The following CMTM4 variants were observed in gnomAD, a reference collection of about 807,000 sequenced individuals.
The protein encoded by CMTM4 is CKLF like MARVEL transmembrane domain containing 4, also known as CKLF-like MARVEL transmembrane domain-containing protein 4.
Under a neutral mutation model 19.0 loss-of-function variants are expected in CMTM4, and 8 were observed. The observed-to-expected ratio is 0.42, with a 90% CI of 0.25 to 0.76. The LOEUF is 0.76. CMTM4 is among the 30% of genes least tolerant of loss of function. The pLI is 0.27. For synonymous variants in CMTM4, 106 were observed against 121.1 expected (o/e 0.88, Z 0.82); for missense variants, 228 against 290.2 (o/e 0.79, Z 1.56).
intron 2 of CMTM4, among the ~76,000 whole-genome samples, chr16:66,630,401 C>T (rs1374911344): frequency 1.3e-5 from 2 of 149,312 alleles, no homozygotes; most frequent in African/African-American, 4.9e-5. Flanking sequence ...CGAAGCTGGA[C>T]TGTACTGCTG....
At chr16:66,604,931 C>A in the CMTM4 span, 1 of 1,499,822 alleles carries the variant, frequency 6.7e-7, no homozygotes, top group Non-Finnish European at 8.8e-7. Flanking sequence ...CTCTCAAAGG[C>A]CGCCTCCTGC....
intron 1 of CMTM4, among the ~76,000 whole-genome samples, chr16:66,646,355 TTCATAC>T (rs1365239370): frequency 6.6e-6 from 1 of 152,196 alleles, no homozygotes; most frequent in Admixed American, 6.5e-5. Context: ...AATATACATA[TTCATAC>T]ATATATGTAT....
In CMTM4 at chr16:66,616,869, T is replaced by A. The variant is rs575553272; in HGVS notation, c.*5189A>T. 6.3e-6 allele frequency: 1 copy of A among 158,082 alleles called. No homozygotes were observed. The highest frequency in any genetic ancestry group is 1.4e-5 in the Non-Finnish European group (1 of 71,902). 9.8% of individuals were successfully genotyped at this position (158,082 alleles called of 1,614,324 possible). On this transcript the variant is annotated 3_prime_UTR_variant, in exon 4 of 4. Coordinates refer to ENST00000394106, the MANE Select transcript of CMTM4 (RefSeq NM_181521.3). The stretch of plus-strand genomic sequence containing the variant: ...TAAAAATGGGATACTTCCTACTGGG[T>A]GTCAGCACTGTCATCCTAAGGCAAC...
chr16:66,630,624 T>G (rs2015837466), intron 2 of CMTM4, among the ~76,000 whole-genome samples: 1 of 151,560 alleles, frequency 6.6e-6, no homozygotes, highest in African/African-American at 2.4e-5. Context: ...GCAGACGGAG[T>G]CTCGTTCACT....
Position 66,696,365 on chromosome 16 carries a change from A to G in CMTM4, c.161T>C (p.Leu54Pro). Reference protein sequence around the residue: ...RCDPDYLRGALGRLKVAQVIL... With the variant: ...RCDPDYLRGAPGRLKVAQVIL... ...CACTTGGGCGACCTTGAGGCGGCCG[A>G]GCGCGCCGCGCAGGTAGTCGGGGTC... Residue 54 changes from leucine (L) to proline (P), a missense_variant, in exon 1 of 4, where the codon CTC (leucine) becomes CCC (proline). This residue lies in a region of CMTM4 where 200 missense variants were observed against 226.6 expected (regional missense o/e 0.88). Coordinates refer to ENST00000394106, the MANE Select transcript of CMTM4 (RefSeq NM_181521.3). This position sits in a 1 kb window ranked among gnomAD's most constrained non-coding sequence, Gnocchi z 4.3. 7.0e-7 allele frequency: 1 copy of G among 1,421,742 alleles called. No individual in the cohort carries two copies. The highest frequency in any genetic ancestry group is 9.2e-7 in the Non-Finnish European group (1 of 1,089,986). 88.1% of individuals were successfully genotyped at this position (1,421,742 alleles called of 1,614,324 possible). A position where few individuals can be genotyped will look rare whatever the true frequency, so the allele number is the denominator to read the frequency against.
chr16:66,639,820 C>T (rs1017588132), intron 1 of CMTM4, among the ~76,000 whole-genome samples: 1 of 151,968 alleles, frequency 6.6e-6, no homozygotes, highest in Non-Finnish European at 1.5e-5. Flanking sequence ...GAATTCCAGA[C>T]CAGCATGGCC....
chr16:66,695,389 T>G (rs775670742), intron 1 of CMTM4, among the ~76,000 whole-genome samples: 78 of 152,130 alleles, frequency 5.1e-4, no homozygotes, highest in Non-Finnish European at 6.3e-4. Context: ...TCTCTGGCTA[T>G]GAGAAGTCTA....
chr16:66,694,534 A>G (rs994607084), intron 1 of CMTM4, among the ~76,000 whole-genome samples: 6 of 151,722 alleles, frequency 4.0e-5, no homozygotes, highest in Non-Finnish European at 7.4e-5. Flanking sequence ...CCAACACAGC[A>G]AAACCCCGTC....
chr16:66,681,862 G>A (rs1442513512), intron 1 of CMTM4, among the ~76,000 whole-genome samples: 1 of 151,990 alleles, frequency 6.6e-6, no homozygotes, highest in East Asian at 1.9e-4. Flanking sequence ...CTCTTACCAC[G>A]CCTTTCTGGG....
intron 2 of CMTM4, among the ~76,000 whole-genome samples, chr16:66,631,624 A>G (rs911616128): frequency 6.6e-6 from 1 of 152,140 alleles, no homozygotes; most frequent in African/African-American, 2.4e-5. Context: ...TTGATCTATG[A>G]CCTTACCCCC....
rs1567400213 is a variant in CMTM4, at chr16:66,617,260, CCAT to C, written c.*4795_*4797del. 3.1e-6 allele frequency: 5 copies of C among 1,612,042 alleles called. No homozygotes were observed. The highest frequency in any genetic ancestry group is 1.7e-5 in the Admixed American group (1 of 59,930). Reference sequence around the variant, plus strand: ...TGAAATAGATACACAGTTCAAGGACCCATCATCTGAACTTTTCTAGGCAAGTTG... The same window carrying C: ...TGAAATAGATACACAGTTCAAGGACCCATCTGAACTTTTCTAGGCAAGTTG... On this transcript the variant is annotated 3_prime_UTR_variant, in exon 4 of 4. Transcript: ENST00000394106.
chr16:66,653,091 A>G (rs2016340678), intron 1 of CMTM4, among the ~76,000 whole-genome samples: 1 of 152,156 alleles, frequency 6.6e-6, no homozygotes, highest in Non-Finnish European at 1.5e-5. Context: ...GAAATCCCAG[A>G]AAGCAGTGTC....
chr16:66,605,457 C>G, the CMTM4 span: 1 of 152,920 alleles, frequency 6.5e-6, no homozygotes, highest in South Asian at 2.0e-4. The surrounding 1 kb of genome is among the most constrained non-coding windows in gnomAD (Gnocchi z 4.6). Context: ...CTTCATCGCC[C>G]TCCTCCCCTC....
rs188443261 is a variant in CMTM4 at position 66,633,783 on chromosome 16, A to T, written c.363+2622T>A. ...CAGTGAGCCGAGATCGCACCACTGC[A>T]CTCCAGCCTGGGCGACAGAGCAAGA... On this transcript the variant is annotated intron_variant, in intron 2 of 3. Coordinates refer to ENST00000394106, the MANE Select transcript of CMTM4 (RefSeq NM_181521.3). Among the ~76,000 whole-genome samples, 34 of 149,698 alleles carry T rather than the reference A, an allele frequency of 2.3e-4. No homozygotes were observed. The East Asian group carries it at 6.3e-3, about 28-fold the overall frequency.
intron 1 of CMTM4, among the ~76,000 whole-genome samples, chr16:66,665,443 T>A (rs911226539): frequency 2.0e-5 from 3 of 151,964 alleles, no homozygotes; most frequent in Non-Finnish European, 4.4e-5. Flanking sequence ...GGATAAAATT[T>A]CTTCAAAATT....
downstream of CMTM4, among the ~76,000 whole-genome samples, chr16:66,610,322 G>A (rs2015329637): frequency 1.3e-5 from 2 of 152,164 alleles, no homozygotes; most frequent in African/African-American, 4.8e-5. The surrounding 1 kb of genome is among the most constrained non-coding windows in gnomAD (Gnocchi z 4.6). Flanking sequence ...CTGGGATCCA[G>A]AGTGGCCATC....
rs190717432 is a variant in CMTM4, at chr16:66,619,065, G to A, written c.*2993C>T. The A allele has an allele frequency of 2.6e-3, 2,521 of 985,472 alleles. 6 individuals carry two copies. The highest frequency in any genetic ancestry group is 2.9e-3 in the Non-Finnish European group (2,368 of 829,930). The allele number at this position is 985,472 out of a possible 1,614,324, so 61.0% of individuals were successfully genotyped here. A position where few individuals can be genotyped will look rare whatever the true frequency, so the allele number is the denominator to read the frequency against. ...TTACTTCAAATCAAACTTCTCTGAC[G>A]AGATTTTAATCTGAAACTGCATCTG... On this transcript the variant is annotated 3_prime_UTR_variant, in exon 4 of 4. Transcript: ENST00000394106.
At position 66,639,211 on chromosome 16, in the gene CMTM4, A is replaced by G. The variant is rs1313494295; in HGVS notation, c.187-2630T>C. On this transcript the variant is annotated intron_variant, in intron 1 of 3. Transcript: ENST00000394106. ...AATAGTTCACATAAGGGAAACTCCT[A>G]AACTTTCCCCTTTTTTTCACCCCAG... Among the ~76,000 whole-genome samples, 5 of 152,332 alleles carry G rather than the reference A, an allele frequency of 3.3e-5. No individual in the cohort carries two copies. The East Asian group carries it at 9.7e-4, about 29-fold the overall frequency.
chr16:66,674,400 G>T (rs1307413285), intron 1 of CMTM4, among the ~76,000 whole-genome samples: 1 of 152,156 alleles, frequency 6.6e-6, no homozygotes, highest in Non-Finnish European at 1.5e-5. Flanking sequence ...ACATGGCCCA[G>T]GAGCAGCCCA....
Sources: gnomAD v4.1 joint callset for allele counts (sites outside exome capture counted in the v4.1 genomes callset) on GRCh38, gnomAD v4.1.1 for gene constraint, gnomAD v4.1.1 regional missense constraint, Gnocchi (gnomAD v3.1) non-coding constraint, MANE v1.5 for transcripts, NCBI Gene and HGNC (gene_info 2026-07-23, HGNC 2026-07-21) for gene names.